TSPAN1: variants seen among roughly 807,000 people sequenced by gnomAD.
TSPAN1 encodes the protein tetraspanin 1.
TSPAN1 carries 23 observed loss-of-function variants against 26.9 expected under a neutral mutation model. That is an observed-to-expected ratio of 0.85 (90% CI 0.62 to 1.21). TSPAN1 has a LOEUF of 1.21. Among genes scored for constraint, TSPAN1 ranks in the 50% most tolerant of loss-of-function variants. TSPAN1 has a pLI of 0.00. For missense variants in TSPAN1, 283 were observed against 298.4 expected (o/e 0.95, Z 0.38); for synonymous variants, 115 against 114.8 (o/e 1.00, Z -0.01).
At chr1:46,186,685 A>G (rs1571641416), downstream of TSPAN1, among the ~76,000 whole-genome samples, 3 of 58,194 alleles carry the variant, frequency 5.2e-5, no homozygotes, top group Non-Finnish European at 9.8e-5. Flanking sequence ...TTTTTTTTTG[A>G]GAGAGTCTCG....
chr1:46,194,411 G>A, the TSPAN1 span: 2 of 1,614,116 alleles, frequency 1.2e-6, no homozygotes, highest in African/African-American at 1.3e-5. Flanking sequence ...TCTGAGGGAA[G>A]GATGCGGTTG....
At chr1:46,192,458 G>A in the TSPAN1 span, 4 of 1,614,154 alleles carry the variant, frequency 2.5e-6, no homozygotes, top group Admixed American at 6.7e-5. Flanking sequence ...GTGCCATAGT[G>A]GGAGGTATTA....
intron 2 of TSPAN1, 61 bp from the exon 3 acceptor site, chr1:46,181,039 G>A: frequency 6.6e-7 from 1 of 1,508,080 alleles, no homozygotes; most frequent in East Asian, 2.3e-5. Context: ...TCTGAAGCCA[G>A]GGCCAGCCCA....
chr1:46,193,705 C>G, the TSPAN1 span: 3 of 1,609,076 alleles, frequency 1.9e-6, no homozygotes, highest in Non-Finnish European at 2.5e-6. Flanking sequence ...CCTGTGTTTA[C>G]AGCTGGGCCC....
intron 1 of TSPAN1, among the ~76,000 whole-genome samples, chr1:46,177,167 T>A (rs1464356737): frequency 3.3e-5 from 5 of 152,012 alleles, no homozygotes; most frequent in African/African-American, 9.7e-5. Flanking sequence ...AAACCCCATC[T>A]CTACTAAAAA....
chr1:46,187,792 G>A (rs903629075), downstream of TSPAN1, among the ~76,000 whole-genome samples: 3 of 152,176 alleles, frequency 2.0e-5, no homozygotes, highest in African/African-American at 4.8e-5. Context: ...AACACTGAAG[G>A]CGTCAGGGTG....
At chr1:46,194,056 G>C in the TSPAN1 span, 1 of 1,547,486 alleles carries the variant, frequency 6.5e-7, no homozygotes, top group South Asian at 1.2e-5. Context: ...GATCTTCCCT[G>C]TTCTGGGCTC....
chr1:46,175,490 A>C (rs1457852328), intron 1 of TSPAN1, 81 bp downstream of exon 1: 1 of 398,242 alleles, frequency 2.5e-6, no homozygotes, highest in African/African-American at 2.1e-5. Context: ...AGGCAGTTTG[A>C]GCAGAATGAC....
chr1:46,180,014 ATACT>A (rs1350377299), intron 1 of TSPAN1, among the ~76,000 whole-genome samples: 4 of 145,880 alleles, frequency 2.7e-5, no homozygotes, highest in Non-Finnish European at 5.9e-5. Flanking sequence ...AGTGAAAGAG[ATACT>A]TAAGTACGTA....
rs1195382523 is a variant in TSPAN1 at position 46,180,544 on chromosome 1, G to A, written c.-123G>A. Reference sequence around the variant, plus strand: ...CCTGCAGGTGAGCAGTGGTGTGTGAGAGCCAGGCGTCCCTCTGCCTGCCCA... The same window carrying A: ...CCTGCAGGTGAGCAGTGGTGTGTGAAAGCCAGGCGTCCCTCTGCCTGCCCA... On this transcript the variant is annotated 5_prime_UTR_variant, in exon 2 of 9. Coordinates refer to ENST00000372003, the MANE Select transcript of TSPAN1 (RefSeq NM_005727.4). 1 of 152,694 alleles carries A rather than the reference G, an allele frequency of 6.5e-6. No homozygotes were observed. Among genetic ancestry groups the A allele is most frequent in the African/African-American group, 2.4e-5 (1 of 41,452 alleles). The allele number at this position is 152,694 out of a possible 1,614,324, so 9.5% of individuals were successfully genotyped here.
At chr1:46,176,698 C>T (rs1327741781) in intron 1 of TSPAN1, among the ~76,000 whole-genome samples, 1 of 152,234 alleles carries the variant, frequency 6.6e-6, no homozygotes. Flanking sequence ...GAAAAGAGGC[C>T]CTAGAGGCGG....
At chr1:46,193,216 C>T in the TSPAN1 span, 2 of 1,614,068 alleles carry the variant, frequency 1.2e-6, no homozygotes, top group African/African-American at 1.3e-5. Context: ...CCTTGTAGTG[C>T]TGGGAGTGGG....
downstream of TSPAN1, among the ~76,000 whole-genome samples, chr1:46,187,273 T>C (rs777085519): frequency 6.6e-6 from 1 of 152,166 alleles, no homozygotes; most frequent in African/African-American, 2.4e-5. Flanking sequence ...GCTGACATGG[T>C]ACTAGTTCCA....
At chr1:46,189,701 A>G (rs550007314), downstream of TSPAN1, 84 of 1,546,316 alleles carry the variant, frequency 5.4e-5, no homozygotes, top group East Asian at 1.8e-3. Context: ...CTTTTAGAAT[A>G]TGAATTTGGA....
At chr1:46,192,183 C>T in the TSPAN1 span, 120 of 1,614,164 alleles carry the variant, frequency 7.4e-5, 1 homozygote, top group South Asian at 8.9e-4. Context: ...TCGGCCCCGG[C>T]GTTGTTCAGG....
At chr1:46,190,941 C>T (rs1657718325), downstream of TSPAN1, 1 of 720,434 alleles carries the variant, frequency 1.4e-6, no homozygotes, top group Non-Finnish European at 2.5e-6. Flanking sequence ...TTTGCAGCAT[C>T]CTCAGCAAGC....
chr1:46,177,347 A>AT lies in TSPAN1; in HGVS notation c.-142+1938_-142+1939insT, dbSNP rs1557663232. Reference sequence around the variant, plus strand: ...TGAAACTCTGTCTCAAAAAAAAAAAAAATATATCTATCTATCTATCTATCT... The same window carrying AT: ...TGAAACTCTGTCTCAAAAAAAAAAAATAATATATCTATCTATCTATCTATCT... On this transcript the variant is annotated intron_variant, in intron 1 of 8. Coordinates refer to ENST00000372003, the MANE Select transcript of TSPAN1 (RefSeq NM_005727.4). Among the ~76,000 whole-genome samples, 10 of 94,490 alleles carry AT rather than the reference A, an allele frequency of 1.1e-4. No homozygotes were observed. The East Asian group carries it at 1.4e-3, about 13-fold the overall frequency. The allele number at this position is 94,490 out of a possible 152,430, so 62.0% of individuals were successfully genotyped here.
downstream of TSPAN1, chr1:46,190,837 C>G (rs376989381): frequency 1.7e-4 from 264 of 1,510,868 alleles, 1 homozygote; most frequent in Non-Finnish European, 2.3e-4. Context: ...TGGCCCACAC[C>G]CACTTGCTGA....
the TSPAN1 span, chr1:46,195,782 GGGGTCA>G: frequency 5.2e-6 from 8 of 1,552,658 alleles, no homozygotes; most frequent in East Asian, 1.9e-4. Context: ...CTAGGGAGTA[GGGGTCA>G]GGGTCAGGAC....
Sources: allele counts gnomAD v4.1 joint callset (sites outside exome capture counted in the v4.1 genomes callset), GRCh38; gene constraint gnomAD v4.1.1; transcripts MANE v1.5; gene names NCBI Gene and HGNC (gene_info 2026-07-23, HGNC 2026-07-21).